The following ABCA4 variants were observed in gnomAD, a reference collection of about 807,000 sequenced individuals.
ABCA4 encodes retinal-specific phospholipid-transporting ATPase ABCA4.
In ABCA4, 196 loss-of-function variants were observed where a neutral mutation model predicts 263.7. The ratio of observed to expected loss-of-function variants is 0.74; its 90% CI spans 0.66 to 0.84. ABCA4 has a LOEUF of 0.84. ABCA4 is among the 40% of genes least tolerant of loss of function. The probability of loss-of-function intolerance (pLI) is 0.00; values close to 1 mark genes in which losing one functional copy is unlikely to be tolerated. For synonymous variants in ABCA4, 1,133 were observed against 1,094.2 expected, an observed-to-expected ratio of 1.04 and a Z score of -0.70; for missense variants, 2,792 against 2,855.1, an observed-to-expected ratio of 0.98 and a Z score of 0.50.
rs967925315 is a variant in ABCA4 at position 94,063,892 on chromosome 1, G to A, written c.1555-575C>T. Among the ~76,000 whole-genome samples, 6 of 152,184 alleles carry A rather than the reference G, an allele frequency of 3.9e-5. No homozygotes were observed. In the South Asian group the frequency reaches 6.2e-4, roughly 16 times the overall value. ...AATTCTGTGACAAGTAATGCTGGGG[G>A]AGGAGGAATTTCTATAATATGCCTC... On this transcript the variant is annotated intron_variant, in intron 11 of 49. Transcript: ENST00000370225.
At chr1:94,103,594 C>A (rs375558177) in intron 4 of ABCA4, among the ~76,000 whole-genome samples, 1 of 152,176 alleles carries the variant, frequency 6.6e-6, no homozygotes, top group Non-Finnish European at 1.5e-5. Context: ...CTCCCTCCCC[C>A]ACACAAAGGA....
At chr1:94,001,488 G>A in intron 45 of ABCA4, 1 of 528,794 alleles carries the variant, frequency 1.9e-6, no homozygotes, top group Non-Finnish European at 3.6e-6. Context: ...CGTGGGCATG[G>A]CCTCAGGCCT....
intron 11 of ABCA4, among the ~76,000 whole-genome samples, chr1:94,068,539 T>C (rs1001919374): frequency 1.2e-4 from 18 of 152,196 alleles, no homozygotes; most frequent in African/African-American, 4.3e-4. Flanking sequence ...ATAAGTACGT[T>C]TGGGAGACAG....
chr1:94,113,273 C>T (rs776367695), intron 1 of ABCA4, among the ~76,000 whole-genome samples: 3 of 152,168 alleles, frequency 2.0e-5, no homozygotes, highest in Non-Finnish European at 4.4e-5. Flanking sequence ...GATTTTGTGT[C>T]CATCTGGGTT....
chr1:94,037,117 C>G (rs754798261), intron 25 of ABCA4, 28 bp downstream of exon 25: 21 of 1,611,104 alleles, frequency 1.3e-5, no homozygotes, highest in Non-Finnish European at 1.7e-5. Flanking sequence ...TGGCACTTGA[C>G]AGAAACCAGC....
At chr1:94,008,984 T>A (rs1307367839) in intron 40 of ABCA4, 113 bp from the exon 41 acceptor site, 5 of 1,477,180 alleles carry the variant, frequency 3.4e-6, no homozygotes, top group Non-Finnish European at 4.6e-6. Context: ...TGGGCTTCCA[T>A]CCTTTAAGAC....
chr1:94,066,413 TTA>T (rs1179946263), intron 11 of ABCA4, among the ~76,000 whole-genome samples: 1 of 152,252 alleles, frequency 6.6e-6, no homozygotes, highest in African/African-American at 2.4e-5. Context: ...ATAGAGAATT[TTA>T]GTATTGGCAA....
At position 94,042,783 on chromosome 1, in the gene ABCA4, A is replaced by C. The variant is rs1660528521; in HGVS notation, c.3306T>G (p.Asp1102Glu). Residue 1102 changes from aspartate to glutamate, a missense_variant, in exon 22 of 50, where the codon GAT becomes GAG. By Grantham distance (45) the Asp-to-Glu change is conservative. Coordinates refer to ENST00000370225, the MANE Select transcript of ABCA4 (RefSeq NM_000350.3). ...TACCTGAGCGATACTTCAGGAGCAG[A>C]TCCCAGATTGAGCGTCTCGAGTAAG... Reference protein sequence around the residue: ...VDPYSRRSIWDLLLKYRSGRT... With the variant: ...VDPYSRRSIWELLLKYRSGRT... 2 of 1,614,212 alleles carry C rather than the reference A, an allele frequency of 1.2e-6. No individual in the cohort carries two copies. The highest frequency in any genetic ancestry group is 1.3e-5 in the African/African-American group (1 of 75,042).
At position 94,031,799 on chromosome 1, in the gene ABCA4, G is replaced by C; in HGVS notation, c.4107C>G (p.Ser1369Arg). 1 of 1,613,886 alleles carries C rather than the reference G, an allele frequency of 6.2e-7. No individual in the cohort carries two copies. The highest frequency in any genetic ancestry group is 8.5e-7 in the Non-Finnish European group (1 of 1,180,048). ...LVKRFQHTIR[S>R]HKDFLAQIVL... ...GTACCTGCGCCAGGAAGTCCTTGTG[G>C]CTGCGGATGGTGTGTTGGAATCTCT... Residue 1369 changes from serine (S) to arginine (R), a missense_variant, in exon 27 of 50, where the codon AGC becomes AGG. By Grantham distance (110) the Ser-to-Arg change is moderately radical (BLOSUM62 -1). Coordinates refer to ENST00000370225, the MANE Select transcript of ABCA4 (RefSeq NM_000350.3).
chr1:94,069,323 A>G (rs1193819987), intron 11 of ABCA4, among the ~76,000 whole-genome samples: 1 of 152,240 alleles, frequency 6.6e-6, no homozygotes. Flanking sequence ...CAGAGAAAGA[A>G]AGAAAATCTT....
At chr1:94,118,669 A>G (rs1662865773) in intron 1 of ABCA4, among the ~76,000 whole-genome samples, 1 of 152,224 alleles carries the variant, frequency 6.6e-6, no homozygotes, top group Non-Finnish European at 1.5e-5. Flanking sequence ...GATGGCATCC[A>G]GTGAACGCCA....
Position 94,036,765 on chromosome 1 carries a change from A to T in ABCA4, c.3837T>A (p.Asp1279Glu), listed in dbSNP as rs1483964686. ...CCGCAAACAGAGGTCCTGAATCAGAATCCTCCGTGACCTTCAGAAAAATCT... is the reference window on the plus strand; with the variant it reads ...CCGCAAACAGAGGTCCTGAATCAGATTCCTCCGTGACCTTCAGAAAAATCT... The part of the protein sequence containing the change: ...LEEIFLKVTE[D>E]SDSGPLFAGG... The change falls in exon 26 of 50, where the codon GAT becomes GAA. Residue 1279 changes from aspartate to glutamate, a missense_variant. Physicochemically the swap from Asp to Glu is conservative, Grantham distance 45 (BLOSUM62 2). Transcript: ENST00000370225. 6.2e-7 allele frequency: 1 copy of T among 1,614,164 alleles called. No individual in the cohort carries two copies. The highest frequency in any genetic ancestry group is 1.7e-5 in the Admixed American group (1 of 60,028).
intron 14 of ABCA4, 70 bp from the exon 15 acceptor site, chr1:94,056,892 G>T: frequency 2.3e-6 from 3 of 1,278,858 alleles, no homozygotes; most frequent in Non-Finnish European, 3.3e-6. Flanking sequence ...TGCCCTAAAG[G>T]GCTCTCTCCC....
chr1:94,033,438 GA>G (rs1192169000), intron 26 of ABCA4, among the ~76,000 whole-genome samples: 25 of 119,882 alleles, frequency 2.1e-4, no homozygotes, highest in South Asian at 8.1e-4. Context: ...AAAAAAAAAA[GA>G]AAAAAAAAAA....
At chr1:94,015,349 G>A (rs1242845476) in intron 37 of ABCA4, among the ~76,000 whole-genome samples, 1 of 152,152 alleles carries the variant, frequency 6.6e-6, no homozygotes, top group South Asian at 2.1e-4. Flanking sequence ...TTCTACTGTG[G>A]GCGGTAACTC....
At chr1:94,102,485 A>G (rs1662309765) in intron 5 of ABCA4, among the ~76,000 whole-genome samples, 1 of 151,822 alleles carries the variant, frequency 6.6e-6, no homozygotes, top group Admixed American at 6.6e-5. Context: ...CTTCCTGAGC[A>G]TCCCCCTTAA....
rs539531411 is a variant in ABCA4 at position 94,115,930 on chromosome 1, C to T, written c.67-2864G>A. On this transcript the variant is annotated intron_variant, in intron 1 of 49. Transcript: ENST00000370225. ...GAAACCAGCCACACACCGTCCCCTGCTCCATATATAAAGAGGGAGGGCTGT... is the reference window on the plus strand; with the variant it reads ...GAAACCAGCCACACACCGTCCCCTGTTCCATATATAAAGAGGGAGGGCTGT... 3.9e-5 allele frequency among the ~76,000 whole-genome samples: 6 copies of T among 152,308 alleles called. No homozygotes were observed. The East Asian group carries it at 1.2e-3, about 29-fold the overall frequency.
intron 15 of ABCA4, 21 bp downstream of exon 15, chr1:94,056,580 G>A (rs1426645952): frequency 1.9e-6 from 3 of 1,609,558 alleles, no homozygotes; most frequent in East Asian, 4.5e-5. Context: ...TGTAGGACAG[G>A]GGCCAGCCCA....
chr1:94,063,370 T>C, intron 11 of ABCA4, 53 bp from the exon 12 acceptor site: 1 of 1,533,414 alleles, frequency 6.5e-7, no homozygotes, highest in South Asian at 1.1e-5. Flanking sequence ...CTGCAAAGAC[T>C]CAACTCTACA....
Sources: allele counts gnomAD v4.1 joint callset (sites outside exome capture counted in the v4.1 genomes callset), GRCh38; gene constraint gnomAD v4.1.1; transcripts MANE v1.5; gene names NCBI Gene and HGNC (gene_info 2026-07-23, HGNC 2026-07-21).